The following ALDH1L1 variants were observed in gnomAD, a reference collection of about 807,000 sequenced individuals.
The protein encoded by ALDH1L1 is aldehyde dehydrogenase 1 family member L1.
Under a neutral mutation model 101.1 loss-of-function variants are expected in ALDH1L1, and 68 were observed. That is an observed-to-expected ratio of 0.67 (90% CI 0.55 to 0.82). The LOEUF is 0.82. Ranked by LOEUF, ALDH1L1 falls within the 40% of genes least tolerant of loss-of-function variation. The pLI, the probability that ALDH1L1 is intolerant of heterozygous loss-of-function variation, is 0.00. For missense variants in ALDH1L1, 1,087 were observed against 1,172.7 expected, an observed-to-expected ratio of 0.93 and a Z score of 1.07; for synonymous variants, 486 against 470.8, an observed-to-expected ratio of 1.03 and a Z score of -0.42.
chr3:126,152,105 T>C (rs957808425), intron 7 of ALDH1L1: 6 of 152,252 alleles, frequency 3.9e-5, no homozygotes, highest in African/African-American at 1.4e-4. Context: ...TTGCTGTGGA[T>C]GGATAAGAGC....
intron 1 of ALDH1L1, among the ~76,000 whole-genome samples, chr3:126,190,941 T>C (rs541378930): frequency 1.3e-5 from 2 of 152,372 alleles, no homozygotes; most frequent in South Asian, 2.1e-4. Flanking sequence ...GTTAGGCTGA[T>C]TTAAATTGGG....
chr3:126,141,656 G>C, intron 9 of ALDH1L1, among the ~76,000 whole-genome samples: 1 of 151,952 alleles, frequency 6.6e-6, no homozygotes, highest in Non-Finnish European at 1.5e-5. Context: ...TTTAGTCAAA[G>C]GAAAATAAAA....
At chr3:126,193,509 C>T (rs2081565194) in intron 1 of ALDH1L1, among the ~76,000 whole-genome samples, 1 of 152,142 alleles carries the variant, frequency 6.6e-6, no homozygotes, top group Non-Finnish European at 1.5e-5. Context: ...AAACTTAGGG[C>T]CGTAGCACCA....
At chr3:126,151,071 C>T (rs184068258) in intron 7 of ALDH1L1, 8 of 152,396 alleles carry the variant, frequency 5.2e-5, no homozygotes, top group East Asian at 1.9e-4. Context: ...ACCAGCTGCT[C>T]GATTTTCCAT....
intron 5 of ALDH1L1, 52 bp from the exon 6 acceptor site, chr3:126,154,695 C>A (rs1296629521): frequency 6.5e-7 from 1 of 1,545,376 alleles, no homozygotes; most frequent in Non-Finnish European, 8.9e-7. Flanking sequence ...ACTCCCCTCC[C>A]ACCCTGATGA....
intron 19 of ALDH1L1, among the ~76,000 whole-genome samples, chr3:126,112,151 C>T (rs1040256370): frequency 1.3e-5 from 2 of 152,208 alleles, no homozygotes; most frequent in African/African-American, 2.4e-5. Context: ...AGGCCAGCAT[C>T]AAGCCTGCTC....
chr3:126,134,380 G>A (rs189212693), intron 12 of ALDH1L1, among the ~76,000 whole-genome samples: 4 of 152,212 alleles, frequency 2.6e-5, no homozygotes, highest in African/African-American at 4.8e-5. Flanking sequence ...TTGGTTGTGC[G>A]GTCCACCAAA....
rs571433349 is a variant in ALDH1L1 at position 126,120,162 on chromosome 3, C to T, written c.1889-2064G>A. Among the ~76,000 whole-genome samples the T allele has an allele frequency of 2.0e-5, 3 of 152,366 alleles. No homozygotes were observed. In the East Asian group the frequency reaches 5.8e-4, roughly 29 times the overall value. On this transcript the variant is annotated intron_variant, in intron 16 of 22. Transcript: ENST00000393434. ...AAGGAGTTGAAAACTTACGTCCACA[C>T]CAAAACCTGCACACGAATGTTTACG...
intron 8 of ALDH1L1, 27 bp from the exon 9 acceptor site, chr3:126,146,953 T>A (rs1167233991): frequency 6.2e-7 from 1 of 1,607,822 alleles, no homozygotes; most frequent in South Asian, 1.1e-5. Flanking sequence ...GATGAGAGGC[T>A]GGCCCCAGGG....
Position 126,158,524 on chromosome 3 carries a change from G to A in ALDH1L1, c.243C>T (p.Asn81=), listed in dbSNP as rs553429501. Residue 81 remains asparagine (N), a synonymous_variant, in exon 3 of 23, where the codon AAC becomes AAT. Coordinates refer to ENST00000393434, the MANE Select transcript of ALDH1L1 (RefSeq NM_012190.4). ...TGAATTGGCTGCAGAAGGGCAGGAC[G>A]TTGAGCTCGGCCCCCAAAGCCTGGT... ...AKYQALGAEL[N]VLPFCSQFIP... is the part of the protein sequence containing the mutation. 3.1e-5 allele frequency: 50 copies of A among 1,614,228 alleles called. No homozygotes were observed. Among genetic ancestry groups the A allele is most frequent in the Admixed American group, 2.5e-4 (15 of 60,028 alleles).
intron 16 of ALDH1L1, among the ~76,000 whole-genome samples, chr3:126,123,149 C>G (rs1192316879): frequency 6.6e-6 from 1 of 151,972 alleles, no homozygotes; most frequent in Non-Finnish European, 1.5e-5. Context: ...TGTAGTAATA[C>G]TAAGACAGAA....
At chr3:126,132,482 A>T (rs2080334842) in intron 12 of ALDH1L1, among the ~76,000 whole-genome samples, 1 of 152,102 alleles carries the variant, frequency 6.6e-6, no homozygotes, top group South Asian at 2.1e-4. Flanking sequence ...CTGGGGCCAC[A>T]AGACCCCAGC....
chr3:126,145,095 C>T (rs1259741770), intron 9 of ALDH1L1, among the ~76,000 whole-genome samples: 1 of 152,064 alleles, frequency 6.6e-6, no homozygotes, highest in African/African-American at 2.4e-5. Context: ...CATCACTAAT[C>T]ATCAGGAAAA....
intron 1 of ALDH1L1, among the ~76,000 whole-genome samples, chr3:126,162,854 A>G (rs2081088861): frequency 6.6e-6 from 1 of 152,082 alleles, no homozygotes; most frequent in South Asian, 2.1e-4. Flanking sequence ...TCTGGAACTG[A>G]TTTTTTCATA....
At chr3:126,144,680 G>A (rs1374481630) in intron 9 of ALDH1L1, among the ~76,000 whole-genome samples, 2 of 152,076 alleles carry the variant, frequency 1.3e-5, no homozygotes, top group African/African-American at 4.8e-5. Context: ...TCCTTATCTT[G>A]CCCCACACAT....
chr3:126,112,850 C>G lies in ALDH1L1; in HGVS notation c.2113G>C (p.Glu705Gln), dbSNP rs758666188. 2.4e-4 allele frequency: 382 copies of G among 1,613,514 alleles called. No homozygotes were observed. The highest frequency in any genetic ancestry group is 3.2e-4 in the Non-Finnish European group (375 of 1,180,030). ...GMSSVFFNKGENCIAAGRLFV... is the reference protein window; with the variant it reads ...GMSSVFFNKGQNCIAAGRLFV... ...AGTCGGCCTGCTGCAATGCAATTCT[C>G]TCCTTTGTTGAAGAAAACAGAACTC... The change falls in exon 19 of 23, where the codon GAG becomes CAG. Residue 705 changes from glutamate to glutamine, a missense_variant. By Grantham distance (29) the Glu-to-Gln change is conservative. Around this residue, in one of 2 missense-constraint regions of ALDH1L1, gnomAD observed 442 missense variants for 535.7 expected, o/e 0.83. Coordinates refer to ENST00000393434, the MANE Select transcript of ALDH1L1 (RefSeq NM_012190.4).
At chr3:126,125,745 T>A in intron 14 of ALDH1L1, 24 bp from the exon 15 acceptor site, 1 of 1,481,276 alleles carries the variant, frequency 6.8e-7, no homozygotes, top group Non-Finnish European at 9.1e-7. Flanking sequence ...GAGGTTGGCC[T>A]TTGTCCTTCT....
intron 10 of ALDH1L1, 137 bp downstream of exon 10, chr3:126,137,676 G>C: frequency 8.1e-7 from 1 of 1,233,384 alleles, no homozygotes; most frequent in South Asian, 1.5e-5. Context: ...TGCAGGGAGA[G>C]TGTGGGAAAC....
chr3:126,114,883 G>A (rs907639516), intron 17 of ALDH1L1: 9 of 590,816 alleles, frequency 1.5e-5, no homozygotes, highest in Middle Eastern at 2.6e-4. Flanking sequence ...CCCCTGGACT[G>A]CCCTTCCTGC....
Sources: allele counts gnomAD v4.1 joint callset (sites outside exome capture counted in the v4.1 genomes callset), GRCh38; gene constraint gnomAD v4.1.1; regional missense constraint gnomAD v4.1.1; transcripts MANE v1.5; gene names NCBI Gene and HGNC (gene_info 2026-07-23, HGNC 2026-07-21).